PARD3B: variants seen among roughly 807,000 people sequenced by gnomAD.
PARD3B encodes the protein partitioning defective 3 homolog B.
Under a neutral mutation model 130.2 loss-of-function variants are expected in PARD3B, and 103 were observed. That is an observed-to-expected ratio of 0.79 (90% CI 0.67 to 0.93). The LOEUF is 0.93. Among genes scored for constraint, PARD3B ranks in the 40% least tolerant of loss-of-function variants. The pLI, the probability that PARD3B is intolerant of heterozygous loss-of-function variation, is 0.00. For missense variants in PARD3B, 1,609 were observed against 1,499.2 expected (o/e 1.07, Z -1.21); for synonymous variants, 583 against 553.2 (o/e 1.05, Z -0.76).
chr2:205,295,742 A>G (rs949769820), intron 16 of PARD3B, among the ~76,000 whole-genome samples: 2 of 152,194 alleles, frequency 1.3e-5, no homozygotes, highest in Non-Finnish European at 1.5e-5. Context: ...GGAAGTTCAA[A>G]CATTGCCAAT....
chr2:205,037,348 G>GTATAATATAT (rs1698047619), intron 3 of PARD3B, among the ~76,000 whole-genome samples: 2 of 88,766 alleles, frequency 2.3e-5, no homozygotes, highest in South Asian at 1.1e-3. Flanking sequence ...ATATATAGTG[G>GTATAATATAT]ACTATTTGTA....
chr2:205,147,746 C>T (rs2033467069), intron 10 of PARD3B, among the ~76,000 whole-genome samples: 1 of 152,166 alleles, frequency 6.6e-6, no homozygotes, highest in Admixed American at 6.5e-5. Context: ...TTAAGATAGT[C>T]ACATTATTGG....
intron 10 of PARD3B, among the ~76,000 whole-genome samples, chr2:205,143,758 G>T (rs1383492499): frequency 6.6e-6 from 1 of 152,144 alleles, no homozygotes; most frequent in Non-Finnish European, 1.5e-5. Context: ...TATGCAGGAA[G>T]AATTTTCCTG....
Position 204,664,419 on chromosome 2 carries a change from AT to A in PARD3B, c.121-21757del, listed in dbSNP as rs2035940487. On this transcript the variant is annotated intron_variant, in intron 1 of 22. Coordinates refer to ENST00000406610, the MANE Select transcript of PARD3B (RefSeq NM_001302769.2). The surrounding 1 kb of genome is among the most constrained non-coding windows in gnomAD (Gnocchi z 5.2). ...CTGCAAGTAACATAAAGCAAATAAAATTTTTGCCAGACGGGGCATAACTAAA... is the reference window on the plus strand; with the variant it reads ...CTGCAAGTAACATAAAGCAAATAAAATTTTGCCAGACGGGGCATAACTAAA... 6.6e-6 allele frequency among the ~76,000 whole-genome samples: 1 copy of A among 152,152 alleles called. No individual in the cohort carries two copies. The highest frequency in any genetic ancestry group is 2.1e-4 in the South Asian group (1 of 4,828).
At chr2:205,194,116 C>T (rs2036544370) in intron 15 of PARD3B, among the ~76,000 whole-genome samples, 1 of 152,158 alleles carries the variant, frequency 6.6e-6, no homozygotes, top group Admixed American at 6.5e-5. Context: ...ATATCCATTG[C>T]CTCATGAATG....
At chr2:205,580,226 A>G (rs2053912251) in intron 22 of PARD3B, among the ~76,000 whole-genome samples, 1 of 152,216 alleles carries the variant, frequency 6.6e-6, no homozygotes, top group Non-Finnish European at 1.5e-5. Context: ...TCATTTTTAT[A>G]ACACATTCAG....
At chr2:205,377,763 A>ATTTTTTT (rs3048124) in intron 18 of PARD3B, among the ~76,000 whole-genome samples, 3 of 117,500 alleles carry the variant, frequency 2.6e-5, no homozygotes, top group Admixed American at 8.6e-5. Flanking sequence ...GTGTAATCCA[A>ATTTTTTT]TTTTTTTTTT....
intron 12 of PARD3B, among the ~76,000 whole-genome samples, chr2:205,174,627 C>T (rs1415515664): frequency 6.6e-6 from 1 of 152,128 alleles, no homozygotes; most frequent in Admixed American, 6.5e-5. Context: ...AAAAAGTATC[C>T]ATAACCTAGA....
chr2:205,423,422 C>G (rs1385899161), intron 19 of PARD3B, among the ~76,000 whole-genome samples: 1 of 152,154 alleles, frequency 6.6e-6, no homozygotes, highest in Non-Finnish European at 1.5e-5. Flanking sequence ...TTTCATCTAG[C>G]CTAGTGCAGT....
chr2:205,156,483 G>T (rs1461007567), intron 10 of PARD3B, among the ~76,000 whole-genome samples: 1 of 151,362 alleles, frequency 6.6e-6, no homozygotes, highest in Non-Finnish European at 1.5e-5. Flanking sequence ...AATGGATATT[G>T]AATAATGTCA....
At chr2:205,189,718 C>T (rs1254499020) in intron 14 of PARD3B, among the ~76,000 whole-genome samples, 1 of 152,182 alleles carries the variant, frequency 6.6e-6, no homozygotes, top group Non-Finnish European at 1.5e-5. Context: ...CATGAACTAA[C>T]TCAATACGGC....
At position 205,276,191 on chromosome 2, in the gene PARD3B, AG is replaced by A. The variant is rs2040940328; in HGVS notation, c.2186-24335del. Reference sequence around the variant, plus strand: ...ACAGGAAGACATATTTGAAAGAAACAGGGGAAGTAGAAATGTGGATGGGAAG... The same window carrying A: ...ACAGGAAGACATATTTGAAAGAAACAGGGAAGTAGAAATGTGGATGGGAAG... On this transcript the variant is annotated intron_variant, in intron 16 of 22. Coordinates refer to ENST00000406610, the MANE Select transcript of PARD3B (RefSeq NM_001302769.2). This position sits in a 1 kb window ranked among gnomAD's most constrained non-coding sequence, Gnocchi z 5.0. Among the ~76,000 whole-genome samples, 1 of 152,224 alleles carries A rather than the reference AG, an allele frequency of 6.6e-6. No individual in the cohort carries two copies. The highest frequency in any genetic ancestry group is 1.5e-5 in the Non-Finnish European group (1 of 68,042).
chr2:204,930,012 C>A (rs1007299010), intron 2 of PARD3B, among the ~76,000 whole-genome samples: 1 of 151,870 alleles, frequency 6.6e-6, no homozygotes, highest in Admixed American at 6.6e-5. Context: ...CTTTGCCAAG[C>A]CCAACTATTT....
intron 3 of PARD3B, among the ~76,000 whole-genome samples, chr2:204,966,206 A>G (rs142357160): frequency 1.1e-4 from 16 of 152,340 alleles, no homozygotes; most frequent in East Asian, 7.7e-4. Context: ...TAAAATATAT[A>G]CTGTAAAGTT....
intron 2 of PARD3B, among the ~76,000 whole-genome samples, chr2:204,708,339 C>T (rs1432369584): frequency 6.6e-6 from 1 of 151,982 alleles, no homozygotes; most frequent in Admixed American, 6.6e-5. Context: ...TTATGACACA[C>T]ATGATTTGTG....
intron 2 of PARD3B, among the ~76,000 whole-genome samples, chr2:204,709,083 A>G (rs761019792): frequency 3.9e-5 from 6 of 152,200 alleles, no homozygotes; most frequent in Non-Finnish European, 7.3e-5. Context: ...TAGGGAATGC[A>G]TGAATAATGC....
intron 2 of PARD3B, among the ~76,000 whole-genome samples, chr2:204,789,336 C>T (rs547490698): frequency 5.3e-5 from 8 of 152,274 alleles, no homozygotes; most frequent in African/African-American, 1.9e-4. Flanking sequence ...CAGGCATGAG[C>T]CACCACACCG....
chr2:205,222,532 T>G (rs1464218034), intron 15 of PARD3B, among the ~76,000 whole-genome samples: 1 of 152,234 alleles, frequency 6.6e-6, no homozygotes, highest in East Asian at 1.9e-4. Flanking sequence ...GTAATAAGTT[T>G]TCATTTCCTT....
intron 3 of PARD3B, among the ~76,000 whole-genome samples, chr2:204,971,831 T>A (rs1691738574): frequency 1.5e-5 from 2 of 134,642 alleles, no homozygotes; most frequent in South Asian, 5.1e-4. Flanking sequence ...TTGTTTTGTT[T>A]TAATTTTTTT....
Sources: gnomAD v4.1 joint callset for allele counts (sites outside exome capture counted in the v4.1 genomes callset) on GRCh38, gnomAD v4.1.1 for gene constraint, Gnocchi (gnomAD v3.1) non-coding constraint, MANE v1.5 for transcripts, NCBI Gene and HGNC (gene_info 2026-07-23, HGNC 2026-07-21) for gene names.